Variants in HCN1 observed in about 807,000 individuals in gnomAD.
HCN1 encodes the protein potassium/sodium hyperpolarization-activated cyclic nucleotide-gated channel 1.
A neutral mutation model predicts 78.9 loss-of-function variants in HCN1; 13 were observed. That is an observed-to-expected ratio of 0.16 (90% CI 0.11 to 0.26). The LOEUF is 0.26. Among genes scored for constraint, HCN1 ranks in the 10% least tolerant of loss-of-function variants. The pLI is 1.00. For synonymous variants in HCN1, 552 were observed against 455.5 expected, an observed-to-expected ratio of 1.21 and a Z score of -2.70; for missense variants, 810 against 1,154.3, an observed-to-expected ratio of 0.70 and a Z score of 4.32.
At chr5:45,314,510 C>G (rs1003062448) in intron 5 of HCN1, among the ~76,000 whole-genome samples, 2 of 152,080 alleles carry the variant, frequency 1.3e-5, no homozygotes, top group Middle Eastern at 3.2e-3. Context: ...TCACATATAA[C>G]AATATTAACC....
At chr5:45,266,200 G>GTA (rs1485969476) in intron 7 of HCN1, among the ~76,000 whole-genome samples, 1 of 152,070 alleles carries the variant, frequency 6.6e-6, no homozygotes, top group Admixed American at 6.6e-5. Flanking sequence ...CCTAATGGTT[G>GTA]TATATATATA....
intron 1 of HCN1, among the ~76,000 whole-genome samples, chr5:45,675,960 C>T (rs1330176071): frequency 6.6e-6 from 1 of 151,698 alleles, no homozygotes; most frequent in African/African-American, 2.4e-5. Flanking sequence ...TCACACTTCA[C>T]AACTTTTCCA....
chr5:45,449,935 C>T (rs934532796), intron 3 of HCN1, among the ~76,000 whole-genome samples: 1 of 152,138 alleles, frequency 6.6e-6, no homozygotes, highest in South Asian at 2.1e-4. Flanking sequence ...AGGGTTCACG[C>T]CATTCTCCCG....
At chr5:45,430,896 T>G (rs1217276833) in intron 3 of HCN1, among the ~76,000 whole-genome samples, 1 of 152,204 alleles carries the variant, frequency 6.6e-6, no homozygotes. Flanking sequence ...TGAATAGTGC[T>G]GCAATGAATA....
intron 6 of HCN1, among the ~76,000 whole-genome samples, chr5:45,269,147 G>C (rs1263696828): frequency 6.6e-6 from 1 of 152,232 alleles, no homozygotes; most frequent in African/African-American, 2.4e-5. Flanking sequence ...TGAGGCAAAA[G>C]ATGGAAAAGG....
At chr5:45,289,164 T>C (rs1745324981) in intron 6 of HCN1, among the ~76,000 whole-genome samples, 1 of 152,060 alleles carries the variant, frequency 6.6e-6, no homozygotes, top group Non-Finnish European at 1.5e-5. Context: ...AACTATTCTT[T>C]AGTATAAAAA....
chr5:45,445,151 T>G (rs1250044337), intron 3 of HCN1, among the ~76,000 whole-genome samples: 2 of 152,280 alleles, frequency 1.3e-5, no homozygotes, highest in Non-Finnish European at 1.5e-5. Context: ...GGGTGACAGA[T>G]GGCACCTGGA....
intron 2 of HCN1, among the ~76,000 whole-genome samples, chr5:45,578,012 G>C (rs1743984995): frequency 6.6e-6 from 1 of 152,030 alleles, no homozygotes; most frequent in Non-Finnish European, 1.5e-5. Context: ...GTAGTGATGA[G>C]ACTTACAAAC....
intron 2 of HCN1, among the ~76,000 whole-genome samples, chr5:45,597,771 A>G (rs1326520092): frequency 1.3e-5 from 2 of 152,038 alleles, no homozygotes; most frequent in Non-Finnish European, 1.5e-5. Context: ...CTATACAGCA[A>G]TAACAGACAG....
chr5:45,426,453 G>A (rs575140156), intron 3 of HCN1, among the ~76,000 whole-genome samples: 42 of 152,176 alleles, frequency 2.8e-4, no homozygotes, highest in Non-Finnish European at 5.1e-4. Flanking sequence ...ATTGAATCGT[G>A]GTTGTGAGTT....
At chr5:45,573,620 T>G (rs1156871723) in intron 2 of HCN1, among the ~76,000 whole-genome samples, 2 of 152,076 alleles carry the variant, frequency 1.3e-5, no homozygotes, top group Non-Finnish European at 2.9e-5. Context: ...CCATGAATAA[T>G]GTCTTCCAGA....
At chr5:45,632,089 G>A (rs1305348642) in intron 2 of HCN1, among the ~76,000 whole-genome samples, 1 of 151,974 alleles carries the variant, frequency 6.6e-6, no homozygotes, top group East Asian at 1.9e-4. Context: ...GGTTTTTGCA[G>A]TTTTGAGAGG....
chr5:45,572,025 G>T (rs1364250500), intron 2 of HCN1, among the ~76,000 whole-genome samples: 2 of 152,076 alleles, frequency 1.3e-5, no homozygotes, highest in African/African-American at 4.8e-5. Flanking sequence ...AGACATTGTG[G>T]TGTTAGATCC....
chr5:45,323,450 T>C (rs1202397843), intron 5 of HCN1, among the ~76,000 whole-genome samples: 2 of 152,032 alleles, frequency 1.3e-5, no homozygotes, highest in East Asian at 3.9e-4. Context: ...TGATATCATA[T>C]AGAAGGGAAT....
chr5:45,638,587 C>T (rs1745397358), intron 2 of HCN1, among the ~76,000 whole-genome samples: 2 of 152,170 alleles, frequency 1.3e-5, no homozygotes, highest in Admixed American at 6.5e-5. Context: ...ATATACACCA[C>T]GCACACCCTG....
intron 1 of HCN1, among the ~76,000 whole-genome samples, chr5:45,688,982 G>C (rs575608620): frequency 6.6e-6 from 1 of 152,020 alleles, no homozygotes; most frequent in Non-Finnish European, 1.5e-5. Context: ...AAGGCTGAGC[G>C]GGAGGGCGGG....
At chr5:45,377,339 C>T (rs1467488165) in intron 4 of HCN1, among the ~76,000 whole-genome samples, 3 of 152,004 alleles carry the variant, frequency 2.0e-5, no homozygotes, top group African/African-American at 7.2e-5. Context: ...AATTCCCATT[C>T]TTCTGTTCAT....
intron 6 of HCN1, among the ~76,000 whole-genome samples, chr5:45,292,798 C>T (rs1329686439): frequency 2.6e-5 from 4 of 151,808 alleles, no homozygotes; most frequent in Non-Finnish European, 1.5e-5. Flanking sequence ...ATATATCTAT[C>T]CATTCATCCA....
chr5:45,450,630 G>A (rs1740897788), intron 3 of HCN1, among the ~76,000 whole-genome samples: 1 of 152,114 alleles, frequency 6.6e-6, no homozygotes, highest in Admixed American at 6.6e-5. Context: ...AAATAATAAT[G>A]AATTGCAGGT....
Sources: gnomAD v4.1 joint callset for allele counts (sites outside exome capture counted in the v4.1 genomes callset) on GRCh38, gnomAD v4.1.1 for gene constraint, MANE v1.5 for transcripts, NCBI Gene and HGNC (gene_info 2026-07-23, HGNC 2026-07-21) for gene names.